Variants in DPP7 observed in about 807,000 individuals in gnomAD.
The protein encoded by DPP7 is dipeptidyl peptidase 7.
Under a neutral mutation model 58.8 loss-of-function variants are expected in DPP7, and 74 were observed. The ratio of observed to expected loss-of-function variants is 1.26; its 90% CI spans 1.04 to 1.53. DPP7 has a LOEUF of 1.53. Ranked by LOEUF, DPP7 falls within the 40% of genes most tolerant of loss-of-function variation. The pLI is 0.00. For synonymous variants in DPP7, 350 were observed against 303.6 expected, an observed-to-expected ratio of 1.15 and a Z score of -1.59; for missense variants, 807 against 692.3, an observed-to-expected ratio of 1.17 and a Z score of -1.86.
rs777573837 is a variant in DPP7 at position 137,114,557 on chromosome 9, G to A, written c.87C>T (p.Pro29=). The part of the protein sequence containing the change: ...LQAGARRAPD[P]GFQERFFQQR... ...GCTGGAAGAAGCGCTCCTGGAAGCC[G>A]GGGTCCGGGGCCCTGCGGGCTGTGG... is the stretch of plus-strand genomic sequence containing the variant. Residue 29 remains proline, a synonymous_variant, in exon 2 of 13, where the codon CCC becomes CCT. Transcript: ENST00000371579. The A allele has an allele frequency of 4.5e-6, 7 of 1,561,926 alleles. No individual in the cohort carries two copies. Among genetic ancestry groups the A allele is most frequent in the East Asian group, 4.9e-5 (2 of 40,594 alleles).
rs532127266 is a variant in DPP7, at chr9:137,113,144, A to G, written c.704-25T>C. Reference sequence around the variant, plus strand: ...GCTGCGTGGAAGGGGCAGAGACTTGAAGTTTGGGCATAGCTGGCGCTGGGG... The same window carrying G: ...GCTGCGTGGAAGGGGCAGAGACTTGGAGTTTGGGCATAGCTGGCGCTGGGG... On this transcript the variant is annotated intron_variant, in intron 6 of 12. Transcript: ENST00000371579. 7 of 1,613,604 alleles carry G rather than the reference A, an allele frequency of 4.3e-6. No homozygotes were observed. In the South Asian group the frequency reaches 6.6e-5, roughly 15 times the overall value.
chr9:137,111,002 G>A (rs772910233), intron 11 of DPP7, 52 bp from the exon 12 acceptor site: 6 of 1,549,504 alleles, frequency 3.9e-6, no homozygotes, highest in East Asian at 2.3e-5. Flanking sequence ...CAACTGCCCA[G>A]CCTCCGTGGG....
chr9:137,117,329 G>A (rs117097593), upstream of DPP7, among the ~76,000 whole-genome samples: 1 of 152,328 alleles, frequency 6.6e-6, no homozygotes, highest in Non-Finnish European at 1.5e-5. Flanking sequence ...GGCACAGTAG[G>A]TCACCCAAGG....
chr9:137,112,988 C>T lies in DPP7; in HGVS notation c.835G>A (p.Asp279Asn), dbSNP rs1421119614. 6.2e-7 allele frequency: 1 copy of T among 1,613,572 alleles called. No individual in the cohort carries two copies. Among genetic ancestry groups the T allele is most frequent in the Non-Finnish European group, 8.5e-7 (1 of 1,179,988 alleles). The change falls in exon 7 of 13, where the codon GAC (aspartate) becomes AAC (asparagine). Residue 279 changes from aspartate (D) to asparagine (N), a missense_variant. Around this residue, in one of 3 missense-constraint regions of DPP7, gnomAD observed 624 missense variants for 531.2 expected, o/e 1.17. Coordinates refer to ENST00000371579, the MANE Select transcript of DPP7 (RefSeq NM_013379.3). ...LAMMDYPYPT[D>N]FLGPLPANPV... is the part of the protein sequence containing the mutation. ...TTGGCAGGGAGGGGACCCAGGAAGT[C>T]AGTGGGGTAGGGGTAGTCCATCATG...
At position 137,111,876 on chromosome 9, in the gene DPP7, C is replaced by A; in HGVS notation, c.1204G>T (p.Gly402Cys). Residue 402 changes from glycine to cysteine, a missense_variant, in exon 10 of 13, where the codon GGT (glycine) becomes TGT (cysteine). Around this residue, in one of 3 missense-constraint regions of DPP7, gnomAD observed 624 missense variants for 531.2 expected, o/e 1.17. Coordinates refer to ENST00000371579, the MANE Select transcript of DPP7 (RefSeq NM_013379.3). ...GCCCACCCCCCCTCAGCCTTACCAC[C>A]CCCCCAGAAGCTGGTCAGCAGCCAG... The part of the protein sequence containing the change: ...PDWLLTSFWG[G>C]DLRAASNIIF... 1.3e-6 allele frequency: 2 copies of A among 1,564,250 alleles called. No individual in the cohort carries two copies. The highest frequency in any genetic ancestry group is 1.1e-5 in the South Asian group (1 of 89,938).
In DPP7 at chr9:137,114,492, T is replaced by A; in HGVS notation, c.152A>T (p.Lys51Met). Residue 51 changes from lysine to methionine, a missense_variant, in exon 2 of 13, where the codon AAG becomes ATG. Transcript: ENST00000371579. ...CACCAGGAAGCGCTGAGGGAAGGTCTTGTTGCCGAAGCGCTCGAAGTTGAA... is the reference window on the plus strand; with the variant it reads ...CACCAGGAAGCGCTGAGGGAAGGTCATGTTGCCGAAGCGCTCGAAGTTGAA... The part of the protein sequence containing the change: ...DHFNFERFGN[K>M]TFPQRFLVSD... 6.3e-7 allele frequency: 1 copy of A among 1,581,512 alleles called. No individual in the cohort carries two copies. Among genetic ancestry groups the A allele is most frequent in the South Asian group, 1.1e-5 (1 of 87,348 alleles).
upstream of DPP7, among the ~76,000 whole-genome samples, chr9:137,116,633 G>A (rs2131163917): frequency 6.6e-6 from 1 of 152,364 alleles, no homozygotes; most frequent in South Asian, 2.1e-4. Context: ...GGCCTCGTGG[G>A]AAGGGAAAGA....
upstream of DPP7, among the ~76,000 whole-genome samples, chr9:137,116,057 G>T (rs1218547217): frequency 6.6e-6 from 1 of 152,204 alleles, no homozygotes; most frequent in African/African-American, 2.4e-5. Context: ...GAGCTGGCCA[G>T]CTCCCCAAGC....
In DPP7 at chr9:137,111,940, C is replaced by G; in HGVS notation, c.1140G>C (p.Arg380=). The G allele has an allele frequency of 6.2e-7, 1 of 1,613,134 alleles. No individual in the cohort carries two copies. The highest frequency in any genetic ancestry group is 8.5e-7 in the Non-Finnish European group (1 of 1,179,630). ...DLPFTDELRQ[R]YCLDTWGVWP... ...ACACGCCCCAGGTGTCCAGGCAGTA[C>G]CGCTGGCGGAGCTCGTCAGTGAAGG... The change falls in exon 10 of 13, where the codon CGG becomes CGC. Residue 380 remains arginine, a synonymous_variant. Coordinates refer to ENST00000371579, the MANE Select transcript of DPP7 (RefSeq NM_013379.3).
chr9:137,113,509 C>T lies in DPP7; in HGVS notation c.486-13G>A. ...CATCCCCCCATAACTGGGTGAGGGA[C>T]ACAGGGTTAGGGCTGCTGCCCCCAA... On this transcript the variant is annotated splice_polypyrimidine_tract_variant and intron_variant, in intron 4 of 12. Coordinates refer to ENST00000371579, the MANE Select transcript of DPP7 (RefSeq NM_013379.3). The T allele has an allele frequency of 6.5e-7, 1 of 1,546,560 alleles. No homozygotes were observed. Among genetic ancestry groups the T allele is most frequent in the East Asian group, 2.3e-5 (1 of 44,144 alleles).
In DPP7 at chr9:137,114,644, C is replaced by T; in HGVS notation, c.67+3G>A. 1 of 1,381,652 alleles carries T rather than the reference C, an allele frequency of 7.2e-7. No homozygotes were observed. Among genetic ancestry groups the T allele is most frequent in the Admixed American group, 3.8e-5 (1 of 26,118 alleles). The allele number at this position is 1,381,652 out of a possible 1,614,324, so 85.6% of individuals were successfully genotyped here. ...GAATGGGCCGGGGGGCGCCGCCACT[C>T]ACCCCCCGCCTGGAGGCCGCGCAGC... On this transcript the variant is annotated splice_donor_region_variant and intron_variant, in intron 1 of 12. Coordinates refer to ENST00000371579, the MANE Select transcript of DPP7 (RefSeq NM_013379.3).
At chr9:137,111,106 G>A (rs1472491164) in intron 11 of DPP7, among the ~76,000 whole-genome samples, 156 bp from the exon 12 acceptor site, 2 of 152,210 alleles carry the variant, frequency 1.3e-5, no homozygotes, top group Admixed American at 6.5e-5. Flanking sequence ...GGGAAGTGAC[G>A]AGATGATGGG....
In DPP7 at chr9:137,113,342, G is replaced by C; in HGVS notation, c.621+19C>G. On this transcript the variant is annotated intron_variant, in intron 5 of 12. Transcript: ENST00000371579. ...CTGCTGTCCCTTAGGGGGCCTGGAG[G>C]ACCCCAAGCCTCACTCACCGCCGTG... 1 of 1,612,594 alleles carries C rather than the reference G, an allele frequency of 6.2e-7. No homozygotes were observed. The highest frequency in any genetic ancestry group is 1.1e-5 in the South Asian group (1 of 91,066).
At chr9:137,115,589 A>G (rs565695311), upstream of DPP7, among the ~76,000 whole-genome samples, 1 of 152,192 alleles carries the variant, frequency 6.6e-6, no homozygotes, top group East Asian at 1.9e-4. Context: ...TTCTCCCAAG[A>G]CTACCCTCGG....
In DPP7 at chr9:137,113,076, C is replaced by T. The variant is rs1472612111; in HGVS notation, c.747G>A (p.Leu249=). ...GCTGGGTCAGGTCCTTCTCGTCTGA[C>T]AGCGGCTGGCAGGTGCCGAACTCCC... is the stretch of plus-strand genomic sequence containing the variant. The part of the protein sequence containing the change: ...VRWEFGTCQP[L]SDEKDLTQLF... The change falls in exon 7 of 13, where the codon CTG becomes CTA. Residue 249 remains leucine (L), a synonymous_variant. Coordinates refer to ENST00000371579, the MANE Select transcript of DPP7 (RefSeq NM_013379.3). 1 of 1,613,876 alleles carries T rather than the reference C, an allele frequency of 6.2e-7. No homozygotes were observed. Among genetic ancestry groups the T allele is most frequent in the Non-Finnish European group, 8.5e-7 (1 of 1,180,030 alleles).
rs750189450 is a variant in DPP7, at chr9:137,110,894, G to T, written c.1329C>A (p.His443Gln). 1 of 1,612,676 alleles carries T rather than the reference G, an allele frequency of 6.2e-7. No individual in the cohort carries two copies. The highest frequency in any genetic ancestry group is 8.5e-7 in the Non-Finnish European group (1 of 1,179,866). The change falls in exon 12 of 13, where the codon CAC (histidine) becomes CAA (glutamine). Residue 443 changes from histidine (H) to glutamine (Q), a missense_variant. Coordinates refer to ENST00000371579, the MANE Select transcript of DPP7 (RefSeq NM_013379.3). The stretch of plus-strand genomic sequence containing the variant: ...TCCCTCCGCACCTGAGGTCGAGGTG[G>T]TGCGCTCCCCCCTGGATGGTGACGG... Reference protein sequence around the residue: ...VIAVTIQGGAHHLDLRASHPE... With the variant: ...VIAVTIQGGAQHLDLRASHPE...
chr9:137,111,932 A>C lies in DPP7; in HGVS notation c.1148T>G (p.Leu383Arg), dbSNP rs1831387677. The change falls in exon 10 of 13, where the codon CTG becomes CGG. Residue 383 changes from leucine to arginine, a missense_variant. Leu to Arg is a moderately radical substitution (Grantham distance 102). Around this residue, in one of 3 missense-constraint regions of DPP7, gnomAD observed 624 missense variants for 531.2 expected, o/e 1.17. Transcript: ENST00000371579. ...FTDELRQRYC[L>R]DTWGVWPRPD... is the part of the protein sequence containing the mutation. ...CCGGGGCCACACGCCCCAGGTGTCCAGGCAGTACCGCTGGCGGAGCTCGTC... is the reference window on the plus strand; with the variant it reads ...CCGGGGCCACACGCCCCAGGTGTCCCGGCAGTACCGCTGGCGGAGCTCGTC... The C allele has an allele frequency of 1.2e-6, 2 of 1,602,314 alleles. No individual in the cohort carries two copies. Among genetic ancestry groups the C allele is most frequent in the South Asian group, 1.1e-5 (1 of 90,864 alleles).
At chr9:137,113,628 G>A (rs1170301122) in intron 4 of DPP7, 132 bp from the exon 5 acceptor site, 1 of 1,432,036 alleles carries the variant, frequency 7.0e-7, no homozygotes, top group African/African-American at 1.4e-5. Context: ...TGGGCCAGGT[G>A]CGGGTGCAGC....
rs1171801571 is a variant in DPP7, at chr9:137,111,972, C to G, written c.1108G>C (p.Asp370His). 6.2e-7 allele frequency: 1 copy of G among 1,613,354 alleles called. No homozygotes were observed. Among genetic ancestry groups the G allele is most frequent in the East Asian group, 2.2e-5 (1 of 44,850 alleles). ...ASNNVTDMFP[D>H]LPFTDELRQR... Reference sequence around the variant, plus strand: ...CGGAGCTCGTCAGTGAAGGGCAGGTCCGGGAACATATCGGTCACATTGTTG... The same window carrying G: ...CGGAGCTCGTCAGTGAAGGGCAGGTGCGGGAACATATCGGTCACATTGTTG... The change falls in exon 10 of 13, where the codon GAC (aspartate) becomes CAC (histidine). Residue 370 changes from aspartate (D) to histidine (H), a missense_variant. Physicochemically the swap from Asp to His is moderately conservative, Grantham distance 81. Around this residue, in one of 3 missense-constraint regions of DPP7, gnomAD observed 624 missense variants for 531.2 expected, o/e 1.17. Transcript: ENST00000371579.
Sources: gnomAD v4.1 joint callset for allele counts (sites outside exome capture counted in the v4.1 genomes callset) on GRCh38, gnomAD v4.1.1 for gene constraint, gnomAD v4.1.1 regional missense constraint, MANE v1.5 for transcripts, NCBI Gene and HGNC (gene_info 2026-07-23, HGNC 2026-07-21) for gene names.